The following CHST8 variants were observed in gnomAD, a reference collection of about 807,000 sequenced individuals.
CHST8 encodes the protein carbohydrate sulfotransferase 8, also known as GALNAC-4-ST1.
Under a neutral mutation model 15.0 loss-of-function variants are expected in CHST8, and 10 were observed. That is an observed-to-expected ratio of 0.67 (90% confidence interval 0.41 to 1.13). CHST8 has a LOEUF of 1.13. Ranked by LOEUF, CHST8 falls within the 50% of genes most tolerant of loss-of-function variation. The pLI is 0.00. For synonymous variants in CHST8, 259 were observed against 256.6 expected (o/e 1.01, Z -0.09); for missense variants, 634 against 608.2 (o/e 1.04, Z -0.45).
intron 1 of CHST8, among the ~76,000 whole-genome samples, chr19:33,627,942 TA>T (rs1211988365): frequency 2.0e-5 from 3 of 152,248 alleles, no homozygotes; most frequent in East Asian, 3.9e-4. Context: ...AAGACATTAA[TA>T]AAAAAAATGA....
chr19:33,771,268 G>A lies in CHST8; in HGVS notation c.131-145G>A. ...TAGGGGATGGAGGGGCTCCAGCACT[G>A]AGCCATGCCCTAAGCTGCCTTTCCC... On this transcript the variant is annotated intron_variant, in intron 3 of 4. Transcript: ENST00000650847. The A allele has an allele frequency of 1.7e-5, 13 of 781,878 alleles. No individual in the cohort carries two copies. In the Admixed American group the frequency reaches 2.4e-4, roughly 15 times the overall value. 48.4% of individuals were successfully genotyped at this position (781,878 alleles called of 1,614,324 possible).
Position 33,667,778 on chromosome 19 carries a change from AACAAGAATATCTTAC to A in CHST8, c.-151_-137del, listed in dbSNP as rs1972681759. 1 of 152,144 alleles carries A rather than the reference AACAAGAATATCTTAC, an allele frequency of 6.6e-6. No individual in the cohort carries two copies. The highest frequency in any genetic ancestry group is 2.4e-5 in the African/African-American group (1 of 41,420). The allele number at this position is 152,144 out of a possible 1,614,324, so 9.4% of individuals were successfully genotyped here. A position where few individuals can be genotyped will look rare whatever the true frequency, so the allele number is the denominator to read the frequency against. On this transcript the variant is annotated 5_prime_UTR_variant, in exon 2 of 5. Coordinates refer to ENST00000650847, the MANE Select transcript of CHST8 (RefSeq NM_001127895.2). ...TTATTTTTTTTTAGGTTTAAAGGTCAACAAGAATATCTTACCTTAATTTGACAAGTACGCAAGAAA... is the reference window on the plus strand; with the variant it reads ...TTATTTTTTTTTAGGTTTAAAGGTCACTTAATTTGACAAGTACGCAAGAAA...
rs544934231 is a variant in CHST8 at position 33,662,356 on chromosome 19, G to T, written c.-163-5411G>T. On this transcript the variant is annotated intron_variant, in intron 1 of 4. Coordinates refer to ENST00000650847, the MANE Select transcript of CHST8 (RefSeq NM_001127895.2). ...GCCTCCCAAAGTGCTGGGACTACAG[G>T]TGTGAGCCACTGCACCCAGCTTGAA... Among the ~76,000 whole-genome samples the T allele has an allele frequency of 3.9e-5, 6 of 152,310 alleles. No homozygotes were observed. In the East Asian group the frequency reaches 1.2e-3, roughly 30 times the overall value.
chr19:33,764,110 T>G (rs546855459), intron 3 of CHST8, among the ~76,000 whole-genome samples: 6 of 152,192 alleles, frequency 3.9e-5, no homozygotes, highest in Non-Finnish European at 7.4e-5. Context: ...TGGGCCCAGC[T>G]TCTGGGAAGC....
At chr19:33,768,381 C>G (rs1292154675) in intron 3 of CHST8, among the ~76,000 whole-genome samples, 5 of 152,116 alleles carry the variant, frequency 3.3e-5, no homozygotes, top group Admixed American at 2.0e-4. Flanking sequence ...TTGAGACCAG[C>G]CTGGACAACA....
chr19:33,635,574 G>C (rs1010334399), intron 1 of CHST8, among the ~76,000 whole-genome samples: 1 of 152,086 alleles, frequency 6.6e-6, no homozygotes, highest in African/African-American at 2.4e-5. Flanking sequence ...CTCCTCCACA[G>C]AGGAGGGAGG....
chr19:33,652,165 A>T lies in CHST8; in HGVS notation c.-163-15602A>T, dbSNP rs147754477. On this transcript the variant is annotated intron_variant, in intron 1 of 4. Transcript: ENST00000650847. ...TTTTTCTTTGTGTAATAACTCTTTT[A>T]AATCCCATCAATGCTTTTTTTTGGC... is the stretch of plus-strand genomic sequence containing the variant. 1.4e-4 allele frequency among the ~76,000 whole-genome samples: 22 copies of T among 152,150 alleles called. No individual in the cohort carries two copies. In the East Asian group the frequency reaches 4.2e-3, roughly 29 times the overall value.
At chr19:33,763,282 A>G (rs1220568104) in intron 3 of CHST8, among the ~76,000 whole-genome samples, 4 of 152,298 alleles carry the variant, frequency 2.6e-5, no homozygotes, top group South Asian at 2.1e-4. Context: ...TCTGAGCCAA[A>G]GGTCACTGTG....
chr19:33,640,411 G>T (rs908302846), intron 1 of CHST8, among the ~76,000 whole-genome samples: 2 of 152,174 alleles, frequency 1.3e-5, no homozygotes, highest in African/African-American at 4.8e-5. Context: ...ACCTCTCCAG[G>T]TCTGTCCGTT....
chr19:33,645,797 T>A (rs1487646048), intron 1 of CHST8, among the ~76,000 whole-genome samples: 1 of 152,164 alleles, frequency 6.6e-6, no homozygotes, highest in East Asian at 1.9e-4. Flanking sequence ...GAAAAGCCAA[T>A]ACACAGAGAA....
chr19:33,715,110 C>T (rs1255919076), intron 3 of CHST8, among the ~76,000 whole-genome samples: 1 of 152,214 alleles, frequency 6.6e-6, no homozygotes, highest in Non-Finnish European at 1.5e-5. Flanking sequence ...CTCCAAGCTT[C>T]TCCAGACAAG....
At chr19:33,673,546 A>C (rs1268388319) in intron 2 of CHST8, among the ~76,000 whole-genome samples, 1 of 152,022 alleles carries the variant, frequency 6.6e-6, no homozygotes, top group Non-Finnish European at 1.5e-5. Flanking sequence ...TTTTGTCTTC[A>C]AGTGTGGCAC....
At chr19:33,731,973 G>C (rs1308081582) in intron 3 of CHST8, among the ~76,000 whole-genome samples, 1 of 152,190 alleles carries the variant, frequency 6.6e-6, no homozygotes, top group African/African-American at 2.4e-5. Context: ...AGATTGAGGT[G>C]CAAGGGGAGG....
chr19:33,641,334 C>T (rs932354258), intron 1 of CHST8, among the ~76,000 whole-genome samples: 4 of 152,140 alleles, frequency 2.6e-5, no homozygotes, highest in Admixed American at 6.5e-5. Context: ...GTTTCTGGCC[C>T]GAGACCCCTT....
intron 3 of CHST8, among the ~76,000 whole-genome samples, chr19:33,765,066 A>ATC (rs969191422): frequency 9.0e-6 from 1 of 111,494 alleles, no homozygotes; most frequent in Non-Finnish European, 1.9e-5. Context: ...ATATATATAT[A>ATC]TATATATCAG....
intron 3 of CHST8, among the ~76,000 whole-genome samples, chr19:33,711,008 C>T (rs949757714): frequency 6.6e-6 from 1 of 151,848 alleles, no homozygotes; most frequent in Non-Finnish European, 1.5e-5. Flanking sequence ...GTAGCTGGAA[C>T]TACAAGCATA....
intron 3 of CHST8, among the ~76,000 whole-genome samples, chr19:33,736,341 T>C (rs931755849): frequency 6.6e-6 from 1 of 152,102 alleles, no homozygotes. Context: ...AGGGTAGGGG[T>C]GCTTGCTGCA....
At chr19:33,676,956 T>TC (rs1442993255) in intron 2 of CHST8, among the ~76,000 whole-genome samples, 3 of 152,104 alleles carry the variant, frequency 2.0e-5, no homozygotes, top group Admixed American at 6.5e-5. Flanking sequence ...CCAAGGGTCA[T>TC]TGGATGTGTC....
intron 3 of CHST8, among the ~76,000 whole-genome samples, chr19:33,720,282 C>A (rs550495701): frequency 6.6e-6 from 1 of 151,962 alleles, no homozygotes; most frequent in East Asian, 1.9e-4. Context: ...GCAGGCCACA[C>A]ACACATACAC....
Sources: gnomAD v4.1 joint callset for allele counts (sites outside exome capture counted in the v4.1 genomes callset) on GRCh38, gnomAD v4.1.1 for gene constraint, MANE v1.5 for transcripts, NCBI Gene and HGNC (gene_info 2026-07-23, HGNC 2026-07-21) for gene names.